Variants in ZNF383 observed in about 807,000 individuals in gnomAD.
ZNF383 encodes the protein zinc finger protein 383.
Under a neutral mutation model 44.2 loss-of-function variants are expected in ZNF383, and 32 were observed. The observed-to-expected ratio is 0.72, with a 90% confidence interval of 0.55 to 0.97. The LOEUF (loss-of-function observed/expected upper bound fraction) is 0.97. ZNF383 is among the 50% of genes least tolerant of loss of function. The pLI, the probability that ZNF383 is intolerant of heterozygous loss-of-function variation, is 0.00. For synonymous variants in ZNF383, 155 were observed against 186.2 expected (o/e 0.83, Z 1.36); for missense variants, 487 against 562.5 (o/e 0.87, Z 1.36).
intron 2 of ZNF383, among the ~76,000 whole-genome samples, chr19:37,228,892 TTTG>T (rs1191135008): frequency 6.6e-6 from 1 of 152,162 alleles, no homozygotes; most frequent in Non-Finnish European, 1.5e-5. Context: ...GCCCACCTTT[TTTG>T]TGCACTTTAT....
At chr19:37,218,873 T>G (rs370399211) in intron 1 of ZNF383, among the ~76,000 whole-genome samples, 15 of 152,148 alleles carry the variant, frequency 9.9e-5, no homozygotes, top group African/African-American at 2.9e-4. Flanking sequence ...TGTGTAGTGC[T>G]CAATAGGGGT....
At chr19:37,229,144 T>G (rs886114479) in intron 2 of ZNF383, among the ~76,000 whole-genome samples, 1 of 149,424 alleles carries the variant, frequency 6.7e-6, no homozygotes, top group Non-Finnish European at 1.5e-5. Flanking sequence ...GGCAAAAGGT[T>G]GAATTTTTTT....
At chr19:37,224,729 T>G (rs1973078250) in intron 1 of ZNF383, 89 bp from the exon 2 acceptor site, 1 of 151,910 alleles carries the variant, frequency 6.6e-6, no homozygotes. Flanking sequence ...AGCTTTTTTT[T>G]TTTTTTCAAT....
chr19:37,238,656 AGAG>A (rs1418001512), intron 5 of ZNF383, among the ~76,000 whole-genome samples: 1 of 152,172 alleles, frequency 6.6e-6, no homozygotes, highest in Non-Finnish European at 1.5e-5. Context: ...GAATTGTAGA[AGAG>A]GAGATCAGGA....
intron 1 of ZNF383, among the ~76,000 whole-genome samples, chr19:37,221,841 A>AG (rs1218981756): frequency 6.6e-6 from 1 of 151,060 alleles, no homozygotes; most frequent in African/African-American, 2.4e-5. Flanking sequence ...CTATAGTCCC[A>AG]GCTACTTGGG....
intron 1 of ZNF383, among the ~76,000 whole-genome samples, chr19:37,223,838 C>A (rs1313970602): frequency 6.6e-6 from 1 of 151,928 alleles, no homozygotes; most frequent in Non-Finnish European, 1.5e-5. Flanking sequence ...TCAAGACTAG[C>A]CTGGCCAAGA....
At chr19:37,226,943 C>G (rs1052620239) in intron 2 of ZNF383, among the ~76,000 whole-genome samples, 7 of 151,520 alleles carry the variant, frequency 4.6e-5, no homozygotes, top group Non-Finnish European at 1.0e-4. Flanking sequence ...CAAGTAGCTG[C>G]GACTACAGGC....
chr19:37,225,481 A>T (rs371478616), intron 2 of ZNF383, among the ~76,000 whole-genome samples: 1 of 152,174 alleles, frequency 6.6e-6, no homozygotes, highest in Non-Finnish European at 1.5e-5. Flanking sequence ...AAACTGAATT[A>T]TAACTATTAA....
chr19:37,222,566 C>T (rs760901587), intron 1 of ZNF383, among the ~76,000 whole-genome samples: 4 of 152,032 alleles, frequency 2.6e-5, no homozygotes, highest in African/African-American at 9.7e-5. Context: ...TTAATACAAA[C>T]GGGGTTTCAC....
chr19:37,224,251 AAATG>A (rs1405034358), intron 1 of ZNF383, among the ~76,000 whole-genome samples: 8 of 152,350 alleles, frequency 5.3e-5, no homozygotes, highest in Non-Finnish European at 1.0e-4. Context: ...TTGAAATACA[AAATG>A]AATGTACAGT....
intron 5 of ZNF383, among the ~76,000 whole-genome samples, chr19:37,236,613 C>G (rs566641791): frequency 4.0e-5 from 6 of 150,732 alleles, no homozygotes; most frequent in Non-Finnish European, 7.4e-5. Flanking sequence ...CTCCGTCGCT[C>G]AGGCTGGAGT....
chr19:37,230,502 TAAAA>T, intron 3 of ZNF383, 40 bp downstream of exon 3: 2 of 1,481,100 alleles, frequency 1.4e-6, no homozygotes, highest in Non-Finnish European at 1.9e-6. Flanking sequence ...ACATTTAGTT[TAAAA>T]AAAAAAAAAA....
Position 37,243,545 on chromosome 19 carries a change from C to G in ZNF383, c.1309C>G (p.Leu437Val). The change falls in exon 6 of 6, where the codon CTT (leucine) becomes GTT (valine). Residue 437 changes from leucine to valine, a missense_variant. Coordinates refer to ENST00000684119, the MANE Select transcript of ZNF383 (RefSeq NM_001387601.1). ...CGKAFNKCSNLTRHLRIHTGE... is the reference protein window; with the variant it reads ...CGKAFNKCSNVTRHLRIHTGE... Reference sequence around the variant, plus strand: ...AAAGGCCTTTAATAAATGCTCAAACCTTACTCGACATCTGAGAATTCACAC... The same window carrying G: ...AAAGGCCTTTAATAAATGCTCAAACGTTACTCGACATCTGAGAATTCACAC... 6.2e-7 allele frequency: 1 copy of G among 1,614,042 alleles called. No homozygotes were observed. Among genetic ancestry groups the G allele is most frequent in the Non-Finnish European group, 8.5e-7 (1 of 1,180,004 alleles).
intron 2 of ZNF383, among the ~76,000 whole-genome samples, chr19:37,225,957 C>CTTTTTT (rs35639012): frequency 2.9e-5 from 4 of 138,084 alleles, no homozygotes; most frequent in Non-Finnish European, 3.1e-5. Flanking sequence ...GTCTAACTAA[C>CTTTTTT]TTTTTTTTTT....
intron 1 of ZNF383, among the ~76,000 whole-genome samples, chr19:37,224,338 A>T (rs1312149903): frequency 1.3e-5 from 2 of 152,174 alleles, no homozygotes; most frequent in Non-Finnish European, 2.9e-5. Flanking sequence ...CAAAACTTAA[A>T]ATATGAAGTA....
intron 1 of ZNF383, among the ~76,000 whole-genome samples, chr19:37,221,880 C>T (rs1192164536): frequency 2.1e-5 from 3 of 146,202 alleles, no homozygotes; most frequent in African/African-American, 5.1e-5. Flanking sequence ...TGTGTGAACC[C>T]GGGAGGTGGA....
intron 2 of ZNF383, among the ~76,000 whole-genome samples, chr19:37,227,110 C>CTTT (rs35250551): frequency 0.027 from 2,460 of 91,980 alleles, 231 homozygotes; most frequent in African/African-American, 0.089. Context: ...CCCAGCCAGG[C>CTTT]TTTTTTTTTT....
chr19:37,235,667 T>C lies in ZNF383; in HGVS notation c.128T>C (p.Val43Ala). 6.2e-7 allele frequency: 1 copy of C among 1,609,340 alleles called. No homozygotes were observed. Among genetic ancestry groups the C allele is most frequent in the Middle Eastern group, 1.7e-4 (1 of 6,030 alleles). ...ATGTTGGAGAACTACGGCAATCTGGTTTCAATGGGTAAGGGCATCTGTACC... is the reference window on the plus strand; with the variant it reads ...ATGTTGGAGAACTACGGCAATCTGGCTTCAATGGGTAAGGGCATCTGTACC... ...DVMLENYGNL[V>A]SMGLYTPKPQ... is the part of the protein sequence containing the mutation. Residue 43 changes from valine (V) to alanine (A), a missense_variant, in exon 4 of 6, where the codon GTT (valine) becomes GCT (alanine). Val to Ala is a moderately conservative substitution (Grantham distance 64, BLOSUM62 0). Transcript: ENST00000684119.
intron 3 of ZNF383, 103 bp from the exon 4 acceptor site, chr19:37,235,446 C>A: frequency 8.5e-7 from 1 of 1,179,430 alleles, no homozygotes; most frequent in African/African-American, 1.5e-5. Flanking sequence ...TTCTCAGTGA[C>A]ACCAATATAA....
Sources: allele counts gnomAD v4.1 joint callset (sites outside exome capture counted in the v4.1 genomes callset), GRCh38; gene constraint gnomAD v4.1.1; transcripts MANE v1.5; gene names NCBI Gene and HGNC (gene_info 2026-07-23, HGNC 2026-07-21).